The following TAFA2 variants were observed in gnomAD, a reference collection of about 807,000 sequenced individuals.
The protein encoded by TAFA2 is TAFA chemokine like family member 2.
TAFA2 carries 7 observed loss-of-function variants against 18.8 expected under a neutral mutation model. The ratio of observed to expected loss-of-function variants is 0.37; its 90% CI spans 0.21 to 0.70. TAFA2 has a LOEUF of 0.70. Ranked by LOEUF, TAFA2 falls within the 30% of genes least tolerant of loss-of-function variation. The pLI, the probability that TAFA2 is intolerant of heterozygous loss-of-function variation, is 0.53. For missense variants in TAFA2, 122 were observed against 158.1 expected (o/e 0.77, Z 1.23); for synonymous variants, 60 against 54.2 (o/e 1.11, Z -0.47).
rs150258175 is a variant in TAFA2 at position 62,138,681 on chromosome 12, C to T, written c.-2+52578G>A. 6.5e-3 allele frequency among the ~76,000 whole-genome samples: 995 copies of T among 152,286 alleles called. 4 individuals are homozygous for T. Among genetic ancestry groups the T allele is most frequent in the Non-Finnish European group, 8.7e-3 (595 of 68,026 alleles). ...ATAGGAGGGCTGCCTCTCAACACTC[C>T]ACTGCACGCCAATTAAATGCAGCCT... is the stretch of plus-strand genomic sequence containing the variant. On this transcript the variant is annotated intron_variant, in intron 1 of 4. Coordinates refer to ENST00000416284, the MANE Select transcript of TAFA2 (RefSeq NM_178539.5).
intron 1 of TAFA2, among the ~76,000 whole-genome samples, chr12:62,067,470 C>G (rs924192590): frequency 6.6e-6 from 1 of 151,988 alleles, no homozygotes; most frequent in Admixed American, 6.6e-5. Flanking sequence ...AGTCTTTAAT[C>G]CACTTTTATT....
chr12:61,876,050 CATA>C (rs1399993772), intron 1 of TAFA2, among the ~76,000 whole-genome samples: 5 of 152,136 alleles, frequency 3.3e-5, no homozygotes, highest in African/African-American at 4.8e-5. Flanking sequence ...TAGCTCTGCA[CATA>C]ATATCTAATT....
At chr12:62,196,053 C>CT (rs1238443577), upstream of TAFA2, among the ~76,000 whole-genome samples, 1 of 152,228 alleles carries the variant, frequency 6.6e-6, no homozygotes. Flanking sequence ...TACCTAAGCA[C>CT]TTACTGCCTC....
intron 1 of TAFA2, among the ~76,000 whole-genome samples, chr12:62,006,497 G>T (rs1346991026): frequency 1.3e-5 from 2 of 152,008 alleles, no homozygotes; most frequent in African/African-American, 2.4e-5. Context: ...CACTTAAAAT[G>T]GGAGATAAAA....
chr12:61,742,182 A>G (rs954237160), intron 4 of TAFA2, among the ~76,000 whole-genome samples: 2 of 152,166 alleles, frequency 1.3e-5, no homozygotes, highest in African/African-American at 4.8e-5. Context: ...GGCATGAGCC[A>G]CTGTGCCCAG....
rs558712230 is a variant in TAFA2, at chr12:61,799,454, TTAAGA to T, written c.107-44435_107-44431del. Among the ~76,000 whole-genome samples, 225 of 152,284 alleles carry T rather than the reference TTAAGA, an allele frequency of 1.5e-3. 2 individuals are homozygous for T. Among genetic ancestry groups the T allele is most frequent in the African/African-American group, 4.8e-3 (200 of 41,564 alleles). Reference sequence around the variant, plus strand: ...AAAAGGGCAAAGAACAAATCCCCTCTTAAGATAAGACTACTATCGAAGTCTCACCA... The same window carrying T: ...AAAAGGGCAAAGAACAAATCCCCTCTTAAGACTACTATCGAAGTCTCACCA... On this transcript the variant is annotated intron_variant, in intron 2 of 4. Coordinates refer to ENST00000416284, the MANE Select transcript of TAFA2 (RefSeq NM_178539.5).
chr12:62,214,541 A>G (rs183241392), intron 1 of TAFA2, among the ~76,000 whole-genome samples: 12 of 152,308 alleles, frequency 7.9e-5, no homozygotes, highest in Admixed American at 7.2e-4. Context: ...CCAAAAATTT[A>G]TATGTTGAAG....
At chr12:61,730,948 G>A (rs1291583153) in intron 4 of TAFA2, among the ~76,000 whole-genome samples, 1 of 151,932 alleles carries the variant, frequency 6.6e-6, no homozygotes, top group African/African-American at 2.4e-5. Flanking sequence ...ATAGGATTCT[G>A]CCCAGGAAAT....
chr12:61,888,094 G>A (rs1875468940), intron 1 of TAFA2, among the ~76,000 whole-genome samples: 1 of 152,006 alleles, frequency 6.6e-6, no homozygotes, highest in Non-Finnish European at 1.5e-5. Flanking sequence ...GTGCTGGAGA[G>A]GATGTGGAGA....
intron 1 of TAFA2, among the ~76,000 whole-genome samples, chr12:61,955,600 C>CAAA (rs869189343): frequency 5.1e-5 from 2 of 38,938 alleles, no homozygotes; most frequent in African/African-American, 1.3e-4. Context: ...GACTCCATCT[C>CAAA]AAAAAAAAAA....
At chr12:61,985,279 G>T (rs1384357649) in intron 1 of TAFA2, among the ~76,000 whole-genome samples, 1 of 152,166 alleles carries the variant, frequency 6.6e-6, no homozygotes, top group Non-Finnish European at 1.5e-5. Context: ...ATAAAAATAT[G>T]CTGCGAATAA....
rs541230410 is a variant in TAFA2, at chr12:62,248,417, C to T, written c.-130+10346G>A. Among the ~76,000 whole-genome samples the T allele has an allele frequency of 2.0e-5, 3 of 152,342 alleles. No homozygotes were observed. In the East Asian group the frequency reaches 5.8e-4, roughly 29 times the overall value. ...AAGGGACAGAATTTTTCACTGTGGGCACGTTTAGGTAAGCTCCCTGTGCAC... is the reference window on the plus strand; with the variant it reads ...AAGGGACAGAATTTTTCACTGTGGGTACGTTTAGGTAAGCTCCCTGTGCAC... On this transcript the variant is annotated intron_variant, in intron 1 of 5. Coordinates refer to the TAFA2 transcript ENST00000551619.
chr12:62,124,998 A>T (rs1485728401), intron 1 of TAFA2, among the ~76,000 whole-genome samples: 1 of 152,178 alleles, frequency 6.6e-6, no homozygotes, highest in Non-Finnish European at 1.5e-5. Flanking sequence ...ATTTCAAAAC[A>T]GTGAAAACGG....
intron 1 of TAFA2, among the ~76,000 whole-genome samples, chr12:61,920,500 C>T (rs1877005245): frequency 6.6e-6 from 1 of 152,140 alleles, no homozygotes. Context: ...ATTTACCTTC[C>T]CACAGTTTGC....
At chr12:62,198,950 T>A (rs1279467782) in intron 1 of TAFA2, among the ~76,000 whole-genome samples, 5 of 152,194 alleles carry the variant, frequency 3.3e-5, no homozygotes, top group Admixed American at 3.3e-4. Flanking sequence ...GCAGGAAAAC[T>A]GTCCTACATG....
intron 1 of TAFA2, among the ~76,000 whole-genome samples, chr12:62,144,401 A>G (rs2062264546): frequency 6.6e-6 from 1 of 152,138 alleles, no homozygotes; most frequent in Non-Finnish European, 1.5e-5. Context: ...AGGAGAGCTC[A>G]AAAAAGAGGT....
chr12:62,103,022 A>G (rs548391694), intron 1 of TAFA2, among the ~76,000 whole-genome samples: 4 of 152,294 alleles, frequency 2.6e-5, no homozygotes, highest in African/African-American at 7.2e-5. Context: ...GTGCTCATGC[A>G]ACCTCTAGCC....
chr12:61,800,339 C>T (rs1468600011), intron 2 of TAFA2, among the ~76,000 whole-genome samples: 1 of 152,038 alleles, frequency 6.6e-6, no homozygotes, highest in Non-Finnish European at 1.5e-5. Flanking sequence ...TGGGACCTTG[C>T]TTTCAGAAAA....
intron 2 of TAFA2, among the ~76,000 whole-genome samples, chr12:61,847,587 C>T (rs921277286): frequency 2.6e-5 from 4 of 152,018 alleles, no homozygotes; most frequent in African/African-American, 7.2e-5. Context: ...ACATGATTAA[C>T]CTAAAAGGAG....
Sources: gnomAD v4.1 joint callset for allele counts (sites outside exome capture counted in the v4.1 genomes callset) on GRCh38, gnomAD v4.1.1 for gene constraint, MANE v1.5 for transcripts, NCBI Gene and HGNC (gene_info 2026-07-23, HGNC 2026-07-21) for gene names.